Variants in PCCA observed in about 807,000 individuals in gnomAD.
PCCA encodes propionyl-CoA carboxylase subunit alpha.
Under a neutral mutation model 101.3 loss-of-function variants are expected in PCCA, and 74 were observed. The observed-to-expected ratio is 0.73, with a 90% CI of 0.61 to 0.89. The LOEUF is 0.89. PCCA is among the 40% of genes least tolerant of loss of function. The probability of loss-of-function intolerance (pLI) is 0.00; values close to 1 mark genes in which losing one functional copy is unlikely to be tolerated. For synonymous variants in PCCA, 294 were observed against 313.6 expected (o/e 0.94, Z 0.66); for missense variants, 891 against 907.0 (o/e 0.98, Z 0.23).
At chr13:100,300,054 A>G (rs1302556376) in intron 12 of PCCA, among the ~76,000 whole-genome samples, 3 of 152,372 alleles carry the variant, frequency 2.0e-5, no homozygotes, top group East Asian at 3.9e-4. Flanking sequence ...GCTTTCTCAC[A>G]TGAGATTGGT....
intron 10 of PCCA, among the ~76,000 whole-genome samples, chr13:100,266,545 C>A (rs958697641): frequency 3.3e-5 from 5 of 152,030 alleles, no homozygotes; most frequent in African/African-American, 1.2e-4. Context: ...AGTAAGCATC[C>A]CTTTTACTCT....
intron 6 of PCCA, among the ~76,000 whole-genome samples, chr13:100,206,412 G>C (rs886787210): frequency 2.6e-5 from 4 of 152,128 alleles, no homozygotes; most frequent in African/African-American, 9.6e-5. Context: ...GATTACAGGC[G>C]TGCACCACCA....
rs1374810014 is a variant in PCCA at position 100,231,787 on chromosome 13, G to A, written c.601-4055G>A. Among the ~76,000 whole-genome samples the A allele has an allele frequency of 2.0e-5, 3 of 151,790 alleles. No individual in the cohort carries two copies. In the East Asian group the frequency reaches 5.8e-4, roughly 30 times the overall value. On this transcript the variant is annotated intron_variant, in intron 7 of 23. Coordinates refer to ENST00000376285, the MANE Select transcript of PCCA (RefSeq NM_000282.4). The stretch of plus-strand genomic sequence containing the variant: ...AGGTCTTGCGATGTTGCTTAAGTCA[G>A]TACAGAACTCCTGGGCTCAAGTGGT...
intron 1 of PCCA, among the ~76,000 whole-genome samples, chr13:100,093,433 T>C (rs2046452544): frequency 6.6e-6 from 1 of 152,200 alleles, no homozygotes; most frequent in African/African-American, 2.4e-5. Context: ...TTACCAAACC[T>C]AGGAAAGAAA....
At chr13:100,199,958 T>C (rs532159783) in intron 6 of PCCA, among the ~76,000 whole-genome samples, 28 of 152,170 alleles carry the variant, frequency 1.8e-4, no homozygotes, top group Non-Finnish European at 3.2e-4. Flanking sequence ...AGTCAAGTTG[T>C]TCCTCTTTGG....
At chr13:100,239,291 A>T (rs2060983016) in intron 8 of PCCA, among the ~76,000 whole-genome samples, 1 of 152,148 alleles carries the variant, frequency 6.6e-6, no homozygotes, top group Non-Finnish European at 1.5e-5. Context: ...CCCTGGTTTA[A>T]ATTTAGGTTT....
chr13:100,457,253 A>G (rs2081809996), intron 21 of PCCA, among the ~76,000 whole-genome samples: 1 of 152,196 alleles, frequency 6.6e-6, no homozygotes, highest in Non-Finnish European at 1.5e-5. Context: ...TCTTTAATAT[A>G]CTGAAACAGT....
rs776331115 is a variant in PCCA, at chr13:100,244,732, G to A, written c.637+8854G>A. ...GGATCTAGTATTTTTATTTGCCTAA[G>A]TAGAGAGAAATAGGCAGGCAAAATC... On this transcript the variant is annotated intron_variant, in intron 8 of 23. Coordinates refer to ENST00000376285, the MANE Select transcript of PCCA (RefSeq NM_000282.4). 4.6e-5 allele frequency among the ~76,000 whole-genome samples: 7 copies of A among 152,226 alleles called. No individual in the cohort carries two copies. In the East Asian group the frequency reaches 1.2e-3, roughly 25 times the overall value.
intron 6 of PCCA, among the ~76,000 whole-genome samples, chr13:100,183,449 C>G (rs1566654531): frequency 6.6e-6 from 1 of 152,228 alleles, no homozygotes; most frequent in African/African-American, 2.4e-5. Flanking sequence ...GGGACTACAG[C>G]AGGGAAGAAA....
rs538361067 is a variant in PCCA at position 100,223,967 on chromosome 13, C to T, written c.601-11875C>T. Among the ~76,000 whole-genome samples, 61 of 152,394 alleles carry T rather than the reference C, an allele frequency of 4.0e-4. 1 individual carries two copies. The South Asian group carries it at 9.9e-3, about 25-fold the overall frequency. ...AGGTTCTCCATGTCCTCACCAGACT[C>T]AGGAGCCCAGCTGGCTTCACCCAGT... On this transcript the variant is annotated intron_variant, in intron 7 of 23. Coordinates refer to ENST00000376285, the MANE Select transcript of PCCA (RefSeq NM_000282.4).
chr13:100,306,297 G>C (rs1233968420), intron 14 of PCCA, among the ~76,000 whole-genome samples: 1 of 152,216 alleles, frequency 6.6e-6, no homozygotes, highest in African/African-American at 2.4e-5. Context: ...AAGTCCTGCT[G>C]TTCCAGCAGC....
rs1294251308 is a variant in PCCA, at chr13:100,413,384, C to T, written c.1747-12249C>T. 3.3e-5 allele frequency among the ~76,000 whole-genome samples: 5 copies of T among 152,084 alleles called. No individual in the cohort carries two copies. The East Asian group carries it at 9.6e-4, about 29-fold the overall frequency. ...GGTAATGGGATTTATTGGAGGACAT[C>T]AGTGGTAGCAAAATACATATGAAAA... On this transcript the variant is annotated intron_variant, in intron 19 of 23. Coordinates refer to ENST00000376285, the MANE Select transcript of PCCA (RefSeq NM_000282.4).
chr13:100,143,926 G>T (rs1355446610), intron 4 of PCCA, among the ~76,000 whole-genome samples: 1 of 151,424 alleles, frequency 6.6e-6, no homozygotes, highest in African/African-American at 2.4e-5. Flanking sequence ...GGCTAATTAA[G>T]AGAAATTTTT....
chr13:100,285,700 C>T (rs928119014), intron 12 of PCCA, among the ~76,000 whole-genome samples: 2 of 152,146 alleles, frequency 1.3e-5, no homozygotes, highest in African/African-American at 4.8e-5. Flanking sequence ...TCAACCCTGC[C>T]ACTTTTCTCC....
chr13:100,139,316 T>C (rs1318905813), intron 4 of PCCA, among the ~76,000 whole-genome samples: 1 of 152,066 alleles, frequency 6.6e-6, no homozygotes, highest in African/African-American at 2.4e-5. Flanking sequence ...AAAAAATATT[T>C]TCTCAGCATG....
chr13:100,122,302 C>T (rs7339213), intron 4 of PCCA, among the ~76,000 whole-genome samples: 71,909 of 151,854 alleles, frequency 0.47, 18,106 homozygotes, highest in East Asian at 0.71. Flanking sequence ...ATATTGTCTG[C>T]AGTTTTCTTA....
At chr13:100,309,121 G>A (rs567011172) in intron 15 of PCCA, among the ~76,000 whole-genome samples, 2 of 152,038 alleles carry the variant, frequency 1.3e-5, no homozygotes, top group African/African-American at 4.8e-5. Context: ...AGGGCTGGAC[G>A]CAGTGGCTCA....
chr13:100,326,537 GA>G (rs1348154168), intron 16 of PCCA, among the ~76,000 whole-genome samples: 1 of 151,972 alleles, frequency 6.6e-6, no homozygotes, highest in African/African-American at 2.4e-5. Context: ...TTAGAGAAAT[GA>G]AAAAGCAAAA....
intron 12 of PCCA, among the ~76,000 whole-genome samples, chr13:100,279,183 G>A (rs533977404): frequency 3.3e-4 from 51 of 152,242 alleles, no homozygotes; most frequent in African/African-American, 1.1e-3. Flanking sequence ...GCTGTTAAGC[G>A]TGCTATTTTA....
Sources: gnomAD v4.1 joint callset for allele counts (sites outside exome capture counted in the v4.1 genomes callset) on GRCh38, gnomAD v4.1.1 for gene constraint, MANE v1.5 for transcripts, NCBI Gene and HGNC (gene_info 2026-07-23, HGNC 2026-07-21) for gene names.